Variants in FCHSD2 observed in about 807,000 individuals in gnomAD.
FCHSD2 encodes FCH and double SH3 domains 2.
FCHSD2 carries 38 observed loss-of-function variants against 108.1 expected under a neutral mutation model. The ratio of observed to expected loss-of-function variants is 0.35; its 90% CI spans 0.27 to 0.46. The LOEUF (loss-of-function observed/expected upper bound fraction) is 0.46, where lower values mean the gene tolerates loss of function less well. FCHSD2 is among the 20% of genes least tolerant of loss of function. The pLI is 1.00. For synonymous variants in FCHSD2, 279 were observed against 314.7 expected (o/e 0.89, Z 1.20); for missense variants, 751 against 897.8 (o/e 0.84, Z 2.09).
At chr11:72,869,595 T>G (rs1339485291) in intron 12 of FCHSD2, 2 of 152,096 alleles carry the variant, frequency 1.3e-5, no homozygotes, top group Non-Finnish European at 2.9e-5. Context: ...ATAGGGGCCA[T>G]GCTAATCTTC....
chr11:73,075,208 T>C (rs1264437400), intron 3 of FCHSD2, among the ~76,000 whole-genome samples: 1 of 152,186 alleles, frequency 6.6e-6, no homozygotes, highest in Non-Finnish European at 1.5e-5. Context: ...GCTCACAGGA[T>C]TGTAAATTGC....
intron 3 of FCHSD2, among the ~76,000 whole-genome samples, chr11:73,017,282 G>GT (rs1857995030): frequency 6.6e-6 from 1 of 152,048 alleles, no homozygotes; most frequent in Non-Finnish European, 1.5e-5. Flanking sequence ...CCTGGCCAAC[G>GT]TATTACTTTT....
intron 13 of FCHSD2, among the ~76,000 whole-genome samples, chr11:72,856,232 C>G (rs929103503): frequency 6.6e-6 from 1 of 152,154 alleles, no homozygotes; most frequent in African/African-American, 2.4e-5. Flanking sequence ...GTGAAGGATA[C>G]TAAAAGGAGA....
At chr11:72,857,435 CTTTTTTTTT>C (rs56061370) in intron 13 of FCHSD2, among the ~76,000 whole-genome samples, 1 of 82,288 alleles carries the variant, frequency 1.2e-5, no homozygotes. Context: ...ATGCTTACTC[CTTTTTTTTT>C]TTTTTTTTTT....
At chr11:72,970,718 A>T (rs1043575111) in intron 8 of FCHSD2, among the ~76,000 whole-genome samples, 1 of 152,208 alleles carries the variant, frequency 6.6e-6, no homozygotes, top group Non-Finnish European at 1.5e-5. Context: ...GCCTGGTGAG[A>T]TGCGAATTCT....
At chr11:72,839,003 C>T (rs145036173) in intron 19 of FCHSD2, 129 bp from the exon 20 acceptor site, 55 of 716,908 alleles carry the variant, frequency 7.7e-5, no homozygotes, top group South Asian at 3.4e-4. Flanking sequence ...GTTGTGAGCA[C>T]GTGCTTTCAA....
At chr11:73,118,140 A>T (rs1279183416) in intron 2 of FCHSD2, among the ~76,000 whole-genome samples, 2 of 152,076 alleles carry the variant, frequency 1.3e-5, no homozygotes, top group African/African-American at 4.8e-5. Context: ...CCAACATGGT[A>T]ACACCCCATC....
intron 5 of FCHSD2, among the ~76,000 whole-genome samples, chr11:72,995,617 T>C (rs1335725779): frequency 6.6e-6 from 1 of 150,558 alleles, no homozygotes; most frequent in African/African-American, 2.5e-5. Context: ...GGTGGAAGGA[T>C]CACTTGAGCC....
At chr11:73,065,596 A>G (rs1591526186) in intron 3 of FCHSD2, among the ~76,000 whole-genome samples, 3 of 152,238 alleles carry the variant, frequency 2.0e-5, no homozygotes, top group Non-Finnish European at 4.4e-5. Flanking sequence ...ATGATTGCAT[A>G]TTTAGAAAAC....
At chr11:72,951,859 G>A (rs990183587) in intron 8 of FCHSD2, among the ~76,000 whole-genome samples, 1 of 152,132 alleles carries the variant, frequency 6.6e-6, no homozygotes, top group Non-Finnish European at 1.5e-5. Flanking sequence ...TGAGGCTAGC[G>A]TTCAGTATAG....
At chr11:72,997,593 G>C (rs1259395515) in intron 5 of FCHSD2, among the ~76,000 whole-genome samples, 1 of 152,156 alleles carries the variant, frequency 6.6e-6, no homozygotes, top group East Asian at 1.9e-4. Context: ...TGTTTAAGAG[G>C]ATAAAGGAAA....
At chr11:72,937,963 G>T (rs1054450609) in intron 8 of FCHSD2, among the ~76,000 whole-genome samples, 9 of 152,216 alleles carry the variant, frequency 5.9e-5, no homozygotes, top group African/African-American at 2.2e-4. Context: ...TAAGTGTTAT[G>T]TCTGAATGGT....
intron 3 of FCHSD2, among the ~76,000 whole-genome samples, chr11:73,033,084 C>T (rs1174652377): frequency 6.6e-6 from 1 of 151,802 alleles, no homozygotes; most frequent in Non-Finnish European, 1.5e-5. Flanking sequence ...GTCAGGAGAT[C>T]GAGACCATCC....
intron 3 of FCHSD2, among the ~76,000 whole-genome samples, chr11:73,032,399 A>AT (rs960833259): frequency 4.6e-5 from 7 of 151,884 alleles, no homozygotes; most frequent in African/African-American, 1.2e-4. Flanking sequence ...AATTTTTTTA[A>AT]TTTTTTTATA....
intron 3 of FCHSD2, among the ~76,000 whole-genome samples, chr11:73,028,188 G>A (rs190984914): frequency 2.3e-3 from 356 of 152,268 alleles, no homozygotes; most frequent in Admixed American, 4.0e-3. Flanking sequence ...TGGAAAAGCC[G>A]CAGGCACTCA....
intron 8 of FCHSD2, among the ~76,000 whole-genome samples, chr11:72,944,656 G>A (rs1468550916): frequency 1.3e-5 from 2 of 152,128 alleles, no homozygotes; most frequent in African/African-American, 2.4e-5. Flanking sequence ...AAACCCCATT[G>A]TCTCAGCTCA....
chr11:73,068,519 G>GA (rs943482650), intron 3 of FCHSD2, among the ~76,000 whole-genome samples: 1 of 150,204 alleles, frequency 6.7e-6, no homozygotes, highest in Non-Finnish European at 1.5e-5. Context: ...AAAAAGTTGA[G>GA]AAAAAAAAAG....
At chr11:73,028,909 C>T (rs1383896817) in intron 3 of FCHSD2, among the ~76,000 whole-genome samples, 2 of 152,158 alleles carry the variant, frequency 1.3e-5, no homozygotes, top group Non-Finnish European at 2.9e-5. Flanking sequence ...CCATAAGTTT[C>T]CTGAAGGCTC....
At chr11:73,115,981 C>CA (rs1201939777) in intron 2 of FCHSD2, among the ~76,000 whole-genome samples, 1 of 152,232 alleles carries the variant, frequency 6.6e-6, no homozygotes, top group Non-Finnish European at 1.5e-5. Flanking sequence ...GTAACCATCA[C>CA]AGGGGCACAA....
Sources: gnomAD v4.1 joint callset for allele counts (sites outside exome capture counted in the v4.1 genomes callset) on GRCh38, gnomAD v4.1.1 for gene constraint, MANE v1.5 for transcripts, NCBI Gene and HGNC (gene_info 2026-07-23, HGNC 2026-07-21) for gene names.